NPAS2: variants seen among roughly 807,000 people sequenced by gnomAD.
NPAS2 encodes neuronal PAS domain protein 2, also known as neuronal PAS domain-containing protein 2.
In NPAS2, 23 loss-of-function variants were observed where a neutral mutation model predicts 107.5. That is an observed-to-expected ratio of 0.21 (90% CI 0.15 to 0.30). The LOEUF is 0.30. NPAS2 is among the 10% of genes least tolerant of loss of function. The pLI, the probability that NPAS2 is intolerant of heterozygous loss-of-function variation, is 1.00. For missense variants in NPAS2, 756 were observed against 1,043.3 expected, an observed-to-expected ratio of 0.72 and a Z score of 3.79; for synonymous variants, 403 against 417.5, an observed-to-expected ratio of 0.97 and a Z score of 0.42.
At chr2:100,819,966 G>A (rs1675967106), upstream of NPAS2, among the ~76,000 whole-genome samples, 3 of 151,912 alleles carry the variant, frequency 2.0e-5, no homozygotes, top group South Asian at 6.2e-4. The surrounding 1 kb of genome is among the most constrained non-coding windows in gnomAD (Gnocchi z 5.8). Context: ...CCTGCGGCGC[G>A]CGCGGGGTGC....
At position 100,976,004 on chromosome 2, in the gene NPAS2, C is replaced by T. The variant is rs936671277; in HGVS notation, c.1392+437C>T. On this transcript the variant is annotated intron_variant, in intron 14 of 20. Transcript: ENST00000335681. This position sits in a 1 kb window ranked among gnomAD's most constrained non-coding sequence, Gnocchi z 4.1. ...CATGTGCCAGATCCTTCCAGAACATCGGGATGTATGGCCCTGGCTATATGT... is the reference window on the plus strand; with the variant it reads ...CATGTGCCAGATCCTTCCAGAACATTGGGATGTATGGCCCTGGCTATATGT... Among the ~76,000 whole-genome samples the T allele has an allele frequency of 2.6e-5, 4 of 152,150 alleles. No homozygotes were observed. Among genetic ancestry groups the T allele is most frequent in the Admixed American group, 6.6e-5 (1 of 15,262 alleles).
chr2:100,843,929 T>C (rs1047387793), intron 1 of NPAS2, among the ~76,000 whole-genome samples: 1 of 152,170 alleles, frequency 6.6e-6, no homozygotes, highest in Admixed American at 6.5e-5. Context: ...CCAGCACCCA[T>C]GTCCTCCGTT....
At chr2:100,835,510 A>G (rs1677002364) in intron 1 of NPAS2, among the ~76,000 whole-genome samples, 1 of 152,182 alleles carries the variant, frequency 6.6e-6, no homozygotes, top group African/African-American at 2.4e-5. Flanking sequence ...GAAAGGGTAC[A>G]AAAGAGGAAC....
chr2:100,961,355 C>T (rs1229678024), intron 7 of NPAS2, among the ~76,000 whole-genome samples: 1 of 152,144 alleles, frequency 6.6e-6, no homozygotes, highest in Non-Finnish European at 1.5e-5. Flanking sequence ...ATCTTCTTTG[C>T]CTTAGTTTTC....
intron 1 of NPAS2, among the ~76,000 whole-genome samples, chr2:100,835,257 CT>C (rs1310613067): frequency 6.6e-6 from 1 of 152,214 alleles, no homozygotes; most frequent in African/African-American, 2.4e-5. Context: ...TTGAATTTCA[CT>C]GTTTAGAGAA....
intron 15 of NPAS2, among the ~76,000 whole-genome samples, chr2:100,980,288 G>A (rs527361563): frequency 3.9e-5 from 6 of 152,252 alleles, no homozygotes; most frequent in Non-Finnish European, 5.9e-5. Flanking sequence ...TGAGTTTCCC[G>A]ACTTCGTAGA....
chr2:100,820,261 G>T lies in NPAS2; in HGVS notation c.-176G>T. On this transcript the variant is annotated 5_prime_UTR_variant, in exon 1 of 21. Coordinates refer to ENST00000335681, the MANE Select transcript of NPAS2 (RefSeq NM_002518.4). This position sits in a 1 kb window ranked among gnomAD's most constrained non-coding sequence, Gnocchi z 5.6. ...GACCCGCAGCCGCGGCGGCGGCGGC[G>T]GCGGCGGCAGCAGCTAGAGCAGCGC... is the stretch of plus-strand genomic sequence containing the variant. The T allele has an allele frequency of 6.7e-6, 1 of 148,922 alleles. No individual in the cohort carries two copies. Among genetic ancestry groups the T allele is most frequent in the South Asian group, 1.8e-4 (1 of 5,614 alleles). The allele number at this position is 148,922 out of a possible 1,614,324, so 9.2% of individuals were successfully genotyped here.
chr2:100,888,614 C>T (rs1680859228), intron 1 of NPAS2, among the ~76,000 whole-genome samples: 1 of 152,092 alleles, frequency 6.6e-6, no homozygotes, highest in Non-Finnish European at 1.5e-5. Context: ...AGGATAGTAT[C>T]TGTTAGAGTT....
intron 17 of NPAS2, chr2:100,989,815 C>T (rs958133644): frequency 6.1e-6 from 1 of 163,474 alleles, no homozygotes; most frequent in African/African-American, 2.4e-5. Flanking sequence ...AAGAGGTAGC[C>T]AGGTAAGGCC....
intron 1 of NPAS2, among the ~76,000 whole-genome samples, chr2:100,853,281 C>T (rs1164615005): frequency 2.0e-5 from 3 of 152,200 alleles, no homozygotes; most frequent in Admixed American, 6.5e-5. Flanking sequence ...GCGAACGAAT[C>T]TTGGTTCTGA....
chr2:100,827,930 A>G (rs1194719916), intron 1 of NPAS2, among the ~76,000 whole-genome samples: 2 of 152,180 alleles, frequency 1.3e-5, no homozygotes, highest in Non-Finnish European at 2.9e-5. Context: ...AGATACTACT[A>G]TCAGTAGTGG....
At chr2:100,826,118 C>G (rs532709638) in intron 1 of NPAS2, among the ~76,000 whole-genome samples, 1 of 152,222 alleles carries the variant, frequency 6.6e-6, no homozygotes, top group Admixed American at 6.5e-5. Flanking sequence ...TCATTTTTGG[C>G]GCATTTACAT....
At chr2:100,864,376 C>A (rs1325896187) in intron 1 of NPAS2, among the ~76,000 whole-genome samples, 1 of 152,254 alleles carries the variant, frequency 6.6e-6, no homozygotes, top group Non-Finnish European at 1.5e-5. Flanking sequence ...TGATCTCTTC[C>A]AAAACTGTGT....
chr2:100,919,793 CCT>C (rs1434037303), intron 2 of NPAS2, among the ~76,000 whole-genome samples: 1 of 152,160 alleles, frequency 6.6e-6, no homozygotes, highest in Non-Finnish European at 1.5e-5. Flanking sequence ...CCTCTCCACC[CCT>C]GACTATGCAC....
In NPAS2 at chr2:100,996,036, TA is replaced by T. The variant is rs937168970; in HGVS notation, c.*455del. ...TGTTGGAGAGAGAGAATAAAGAGAT[TA>T]TTTTTCATTATTTTTAAATGGTTGT... is the stretch of plus-strand genomic sequence containing the variant. On this transcript the variant is annotated 3_prime_UTR_variant, in exon 21 of 21. Transcript: ENST00000335681. The T allele has an allele frequency of 9.9e-7, 1 of 1,007,248 alleles. No homozygotes were observed. Among genetic ancestry groups the T allele is most frequent in the African/African-American group, 1.7e-5 (1 of 59,326 alleles). The allele number at this position is 1,007,248 out of a possible 1,614,324, so 62.4% of individuals were successfully genotyped here.
chr2:100,851,332 T>C (rs554873050), intron 1 of NPAS2, among the ~76,000 whole-genome samples: 2 of 152,366 alleles, frequency 1.3e-5, no homozygotes, highest in Non-Finnish European at 2.9e-5. Context: ...TCAAAAATCC[T>C]GAAAGGTACT....
chr2:100,846,506 C>A lies in NPAS2; in HGVS notation c.-23+26092C>A, dbSNP rs754065055. Among the ~76,000 whole-genome samples, 3 of 152,026 alleles carry A rather than the reference C, an allele frequency of 2.0e-5. No homozygotes were observed. The East Asian group carries it at 5.8e-4, about 29-fold the overall frequency. On this transcript the variant is annotated intron_variant, in intron 1 of 20. Transcript: ENST00000335681. ...GGAGTTAAAAGAGTGTTTTTTTCTCCTAATAACAACTCTTGTACCATTGAC... is the reference window on the plus strand; with the variant it reads ...GGAGTTAAAAGAGTGTTTTTTTCTCATAATAACAACTCTTGTACCATTGAC...
chr2:100,975,240 A>G, intron 13 of NPAS2: 2 of 590,432 alleles, frequency 3.4e-6, no homozygotes, highest in South Asian at 4.4e-5. Context: ...TCATTGGACC[A>G]AGCAGCCGAA....
intron 5 of NPAS2, among the ~76,000 whole-genome samples, chr2:100,945,322 A>G (rs1017039704): frequency 3.3e-5 from 5 of 152,028 alleles, no homozygotes; most frequent in African/African-American, 1.2e-4. Flanking sequence ...CTGCTTCCCA[A>G]CGTGTCTTCC....
Sources: gnomAD v4.1 joint callset for allele counts (sites outside exome capture counted in the v4.1 genomes callset) on GRCh38, gnomAD v4.1.1 for gene constraint, Gnocchi (gnomAD v3.1) non-coding constraint, MANE v1.5 for transcripts, NCBI Gene and HGNC (gene_info 2026-07-23, HGNC 2026-07-21) for gene names.